OPRM1: variants seen among roughly 807,000 people sequenced by gnomAD.
OPRM1 encodes the protein mu-type opioid receptor.
In OPRM1, 27 loss-of-function variants were observed where a neutral mutation model predicts 31.8. The observed-to-expected ratio is 0.85, with a 90% confidence interval of 0.63 to 1.17. OPRM1 has a LOEUF of 1.17. Ranked by LOEUF, OPRM1 falls within the 50% of genes most tolerant of loss-of-function variation. The probability of loss-of-function intolerance (pLI) is 0.00; values close to 1 mark genes in which losing one functional copy is unlikely to be tolerated. For missense variants in OPRM1, 536 were observed against 511.1 expected (o/e 1.05, Z -0.47); for synonymous variants, 196 against 189.9 (o/e 1.03, Z -0.26).
At chr6:154,044,740 T>C (rs1268230067) in intron 1 of OPRM1, among the ~76,000 whole-genome samples, 1 of 152,218 alleles carries the variant, frequency 6.6e-6, no homozygotes, top group Non-Finnish European at 1.5e-5. Flanking sequence ...GGTATTCAAA[T>C]AATAAATGCT....
chr6:154,199,904 G>T, intron 3 of OPRM1: 1 of 1,614,212 alleles, frequency 6.2e-7, no homozygotes, highest in Non-Finnish European at 8.5e-7. Context: ...ACTGTTAACT[G>T]TGTCAGGCAA....
intron 3 of OPRM1, among the ~76,000 whole-genome samples, chr6:154,183,110 G>A (rs1247972281): frequency 6.6e-6 from 1 of 152,046 alleles, no homozygotes. Context: ...TTCCCCAGTA[G>A]CTGGGATTAC....
chr6:154,107,477 C>A lies in OPRM1; in HGVS notation c.1165-11206C>A, dbSNP rs912442872. On this transcript the variant is annotated intron_variant, in intron 3 of 3. Transcript: ENST00000330432. ...ACTTACTTTCTAGGTGGAATTGAAC[C>A]TGGACTGTCACTGTGAAAATGCAAA... The A allele has an allele frequency of 4.2e-6, 3 of 718,410 alleles. No homozygotes were observed. In the African/African-American group the frequency reaches 5.2e-5, roughly 13 times the overall value. 44.5% of individuals were successfully genotyped at this position (718,410 alleles called of 1,614,324 possible).
At chr6:154,191,269 A>C (rs1473223655) in intron 3 of OPRM1, among the ~76,000 whole-genome samples, 1 of 152,218 alleles carries the variant, frequency 6.6e-6, no homozygotes, top group Non-Finnish European at 1.5e-5. Flanking sequence ...GATGGAGCAC[A>C]GGGGATATTT....
Position 154,127,629 on chromosome 6 carries a change from G to A in OPRM1, c.*8908G>A, listed in dbSNP as rs1262367672. ...CCGGCTACAACCCTCCCCACCCCTCGCTTTCACTAAATAACAACTCTCTTC... is the reference window on the plus strand; with the variant it reads ...CCGGCTACAACCCTCCCCACCCCTCACTTTCACTAAATAACAACTCTCTTC... On this transcript the variant is annotated 3_prime_UTR_variant, in exon 4 of 4. Transcript: ENST00000330432. Among the ~76,000 whole-genome samples the A allele has an allele frequency of 2.0e-5, 3 of 151,970 alleles. No homozygotes were observed. Among genetic ancestry groups the A allele is most frequent in the East Asian group, 1.9e-4 (1 of 5,182 alleles).
chr6:154,219,980 T>TAAGG lies in OPRM1; in HGVS notation c.1165-26711_1165-26708dup, dbSNP rs1377940875. ...CTGGACAGAGCTGAGCGGATACCTG[T>TAAGG]AAGGAGTGTGTGTGTGTGTGTGTGT... is the stretch of plus-strand genomic sequence containing the variant. On this transcript the variant is annotated intron_variant, in intron 3 of 3. Transcript: ENST00000337049. Among the ~76,000 whole-genome samples the TAAGG allele has an allele frequency of 6.7e-5, 9 of 135,274 alleles. No homozygotes were observed. In the East Asian group the frequency reaches 2.0e-3, roughly 30 times the overall value. The allele number at this position is 135,274 out of a possible 152,430, so 88.7% of individuals were successfully genotyped here. A position where few individuals can be genotyped will look rare whatever the true frequency, so the allele number is the denominator to read the frequency against.
intron 3 of OPRM1, among the ~76,000 whole-genome samples, chr6:154,115,851 G>T (rs1466818097): frequency 2.6e-5 from 4 of 152,144 alleles, no homozygotes. Flanking sequence ...CCTCCCTAGG[G>T]CCCACCGTCG....
intron 3 of OPRM1, among the ~76,000 whole-genome samples, chr6:154,216,045 C>T (rs1454990319): frequency 1.3e-5 from 2 of 152,036 alleles, no homozygotes; most frequent in Non-Finnish European, 2.9e-5. Flanking sequence ...CTGATACAGC[C>T]AATTCTGAGC....
intron 3 of OPRM1, among the ~76,000 whole-genome samples, chr6:154,139,346 A>G (rs1798140268): frequency 6.6e-6 from 1 of 152,230 alleles, no homozygotes; most frequent in African/African-American, 2.4e-5. Flanking sequence ...TGGAGAGGTC[A>G]AGAGGGGGGT....
chr6:154,037,430 T>G (rs989471093), upstream of OPRM1, among the ~76,000 whole-genome samples: 9 of 152,100 alleles, frequency 5.9e-5, no homozygotes, highest in African/African-American at 2.2e-4. Context: ...AGTTTCTTTT[T>G]TTGTTGTTGT....
chr6:154,087,236 C>G, intron 1 of OPRM1: 1 of 985,400 alleles, frequency 1.0e-6, no homozygotes, highest in Non-Finnish European at 1.2e-6. Context: ...GCTTCAGTAA[C>G]AAAGCTGTCC....
At chr6:154,103,776 T>C (rs1795198046) in intron 3 of OPRM1, among the ~76,000 whole-genome samples, 1 of 152,148 alleles carries the variant, frequency 6.6e-6, no homozygotes, top group South Asian at 2.1e-4. Context: ...GTCATGGTGT[T>C]GGTGGGAGTG....
chr6:154,012,025 T>G (rs796227806), intron 1 of OPRM1, among the ~76,000 whole-genome samples: 4 of 152,284 alleles, frequency 2.6e-5, no homozygotes, highest in African/African-American at 9.6e-5. Context: ...TTAATTGCAT[T>G]TTTAGCAGTT....
rs151232155 is a variant in OPRM1 at position 154,146,385 on chromosome 6, A to G, written c.1164+54913A>G. Reference sequence around the variant, plus strand: ...ACTGCACTCTAGTCTGGGCAACAGAACAAGACTCCCTCTCAAAAAAAGAAA... The same window carrying G: ...ACTGCACTCTAGTCTGGGCAACAGAGCAAGACTCCCTCTCAAAAAAAGAAA... On this transcript the variant is annotated intron_variant, in intron 3 of 3. Coordinates refer to the OPRM1 transcript ENST00000337049. 6.5e-3 allele frequency among the ~76,000 whole-genome samples: 993 copies of G among 152,352 alleles called. 10 individuals are homozygous for G. Among genetic ancestry groups the G allele is most frequent in the South Asian group, 0.028 (135 of 4,826 alleles).
chr6:154,137,579 T>C (rs1798089872), intron 3 of OPRM1, among the ~76,000 whole-genome samples: 1 of 152,160 alleles, frequency 6.6e-6, no homozygotes, highest in Non-Finnish European at 1.5e-5. Context: ...TTTTAAGAGA[T>C]TCAAAAAGAG....
At chr6:154,113,344 A>C (rs576104998) in intron 3 of OPRM1, among the ~76,000 whole-genome samples, 1 of 152,314 alleles carries the variant, frequency 6.6e-6, no homozygotes, top group East Asian at 1.9e-4. Context: ...CTAACAAAGG[A>C]AATAAAATCC....
chr6:154,142,760 C>T (rs1275474702), intron 3 of OPRM1, among the ~76,000 whole-genome samples: 3 of 152,156 alleles, frequency 2.0e-5, no homozygotes, highest in Non-Finnish European at 4.4e-5. Flanking sequence ...CAGTCGAATT[C>T]TTTCTACTGA....
chr6:154,090,330 TA>T (rs1323661060), intron 2 of OPRM1, 152 bp downstream of exon 2: 7 of 607,758 alleles, frequency 1.2e-5, no homozygotes, highest in Admixed American at 6.2e-5. Flanking sequence ...TTTGAATACT[TA>T]AAAATAGGAA....
At chr6:154,081,374 C>T (rs561320246) in intron 1 of OPRM1, among the ~76,000 whole-genome samples, 5 of 152,202 alleles carry the variant, frequency 3.3e-5, no homozygotes, top group South Asian at 4.1e-4. Context: ...GGCGTGGTGG[C>T]GGGCGCCTGT....
Sources: allele counts gnomAD v4.1 joint callset (sites outside exome capture counted in the v4.1 genomes callset), GRCh38; gene constraint gnomAD v4.1.1; transcripts MANE v1.5; gene names NCBI Gene and HGNC (gene_info 2026-07-23, HGNC 2026-07-21).